The following RYR2 variants were observed in gnomAD, a reference collection of about 807,000 sequenced individuals.
RYR2 encodes cardiac muscle ryanodine receptor-calcium release channel.
RYR2 carries 227 observed loss-of-function variants against 601.1 expected under a neutral mutation model. The observed-to-expected ratio is 0.38, with a 90% confidence interval of 0.34 to 0.42. The LOEUF (loss-of-function observed/expected upper bound fraction) is 0.42, where lower values mean the gene tolerates loss of function less well. RYR2 is among the 10% of genes least tolerant of loss of function. RYR2 has a pLI of 1.00. For missense variants in RYR2, 4,646 were observed against 6,156.5 expected (o/e 0.75, Z 8.21); for synonymous variants, 2,223 against 2,175.1 (o/e 1.02, Z -0.61).
intron 16 of RYR2, among the ~76,000 whole-genome samples, chr1:237,465,250 T>C (rs2150279509): frequency 6.6e-6 from 1 of 152,302 alleles, no homozygotes; most frequent in Non-Finnish European, 1.5e-5. Flanking sequence ...TATTTTTGTC[T>C]CTTTGGAGGA....
chr1:237,103,479 A>G (rs1403767621), intron 1 of RYR2, among the ~76,000 whole-genome samples: 1 of 152,218 alleles, frequency 6.6e-6, no homozygotes, highest in African/African-American at 2.4e-5. Flanking sequence ...GTGCTGAATT[A>G]TCGTAACTGC....
intron 17 of RYR2, among the ~76,000 whole-genome samples, chr1:237,476,476 C>G (rs1003796045): frequency 3.0e-5 from 4 of 131,888 alleles, no homozygotes; most frequent in African/African-American, 1.2e-4. Context: ...CGCCACTGCA[C>G]TCCAGCCTGG....
intron 77 of RYR2, 67 bp from the exon 78 acceptor site, chr1:237,731,979 A>G (rs780166548): frequency 5.8e-5 from 56 of 957,948 alleles, no homozygotes; most frequent in Non-Finnish European, 8.8e-5. Flanking sequence ...TGTCCTTCAC[A>G]GTGCTTTTGG....
At chr1:237,317,829 TA>T (rs367829385) in intron 2 of RYR2, among the ~76,000 whole-genome samples, 2 of 152,180 alleles carry the variant, frequency 1.3e-5, no homozygotes, top group African/African-American at 4.8e-5. Context: ...TGTGTTCTTT[TA>T]CATTCAACCT....
At chr1:237,451,334 G>A (rs1488209900) in intron 14 of RYR2, among the ~76,000 whole-genome samples, 1 of 152,116 alleles carries the variant, frequency 6.6e-6, no homozygotes, top group Non-Finnish European at 1.5e-5. Flanking sequence ...ACTTTTGGGA[G>A]GCTGAAGCCG....
intron 1 of RYR2, among the ~76,000 whole-genome samples, chr1:237,151,409 C>A (rs769904146): frequency 6.6e-6 from 1 of 152,084 alleles, no homozygotes; most frequent in South Asian, 2.1e-4. Context: ...CATAAGACAC[C>A]CCTCAACATG....
chr1:237,418,029 ATATT>A (rs1363796363), intron 11 of RYR2, among the ~76,000 whole-genome samples: 1 of 151,850 alleles, frequency 6.6e-6, no homozygotes, highest in African/African-American at 2.4e-5. Flanking sequence ...TAGTATAACT[ATATT>A]TAATTAATTA....
chr1:237,485,592 T>C (rs1441102708), intron 17 of RYR2, among the ~76,000 whole-genome samples: 1 of 152,086 alleles, frequency 6.6e-6, no homozygotes, highest in Non-Finnish European at 1.5e-5. Context: ...TGGGAGTGTA[T>C]TTAGATCTGA....
intron 3 of RYR2, among the ~76,000 whole-genome samples, chr1:237,354,906 G>A (rs1170190527): frequency 6.6e-6 from 1 of 152,056 alleles, no homozygotes; most frequent in Non-Finnish European, 1.5e-5. Flanking sequence ...GATTTCATTA[G>A]GGCTTCATAA....
intron 29 of RYR2, among the ~76,000 whole-genome samples, chr1:237,586,167 A>T (rs1037758652): frequency 6.6e-6 from 1 of 152,196 alleles, no homozygotes; most frequent in African/African-American, 2.4e-5. Context: ...AAAAGTGCAA[A>T]AAAATGCTTT....
chr1:237,408,917 G>A (rs903361453), intron 10 of RYR2, among the ~76,000 whole-genome samples: 2 of 147,582 alleles, frequency 1.4e-5, no homozygotes, highest in African/African-American at 5.1e-5. Context: ...TTGTATTTCA[G>A]CATTTAATTT....
intron 24 of RYR2, among the ~76,000 whole-genome samples, chr1:237,520,811 G>T (rs1667011995): frequency 6.6e-6 from 1 of 152,096 alleles, no homozygotes; most frequent in Non-Finnish European, 1.5e-5. Context: ...CAAGGTGGGT[G>T]GATCACTTGA....
At chr1:237,637,433 A>G (rs1447964268) in intron 44 of RYR2, among the ~76,000 whole-genome samples, 1 of 152,230 alleles carries the variant, frequency 6.6e-6, no homozygotes, top group East Asian at 1.9e-4. Context: ...AAAATATGTT[A>G]TGTGCTAATT....
At position 237,497,230 on chromosome 1, in the gene RYR2, A is replaced by T. The variant is rs974416706; in HGVS notation, c.2203+478A>T. On this transcript the variant is annotated intron_variant, in intron 20 of 104. Transcript: ENST00000366574. ...ATAATGTAATGGTGGGAAATCAATA[A>T]TTTGTAAAGTGTGGTATGAGGACTC... Among the ~76,000 whole-genome samples the T allele has an allele frequency of 9.8e-5, 15 of 152,332 alleles. 1 individual carries two copies. Among genetic ancestry groups the T allele is most frequent in the African/African-American group, 3.4e-4 (14 of 41,580 alleles).
At chr1:237,663,777 T>C (rs532645788) in intron 56 of RYR2, among the ~76,000 whole-genome samples, 32 of 152,352 alleles carry the variant, frequency 2.1e-4, no homozygotes, top group African/African-American at 6.0e-4. Flanking sequence ...ATGAATGTCC[T>C]TTGTTTACCA....
At chr1:237,771,572 C>T (rs190295878) in intron 85 of RYR2, among the ~76,000 whole-genome samples, 27 of 152,270 alleles carry the variant, frequency 1.8e-4, no homozygotes, top group African/African-American at 6.3e-4. Context: ...GTTTACACAT[C>T]TAACTCTCTA....
At chr1:237,588,160 T>G (rs1660868986) in intron 29 of RYR2, among the ~76,000 whole-genome samples, 1 of 152,182 alleles carries the variant, frequency 6.6e-6, no homozygotes, top group African/African-American at 2.4e-5. Context: ...AACTAGAAAC[T>G]CATCATTTAC....
At chr1:237,222,191 G>A (rs549983375) in intron 1 of RYR2, among the ~76,000 whole-genome samples, 2 of 152,092 alleles carry the variant, frequency 1.3e-5, no homozygotes, top group African/African-American at 4.8e-5. Context: ...GAGGTGGGCG[G>A]ATCACGAGGT....
chr1:237,351,854 C>CAAAAAAAAAAAAAA (rs33955032), intron 3 of RYR2, among the ~76,000 whole-genome samples: 3 of 40,946 alleles, frequency 7.3e-5, no homozygotes, highest in African/African-American at 2.6e-4. Context: ...AAAGACCATG[C>CAAAAAAAAAAAAAA]AAAAAAAAAA....
Sources: allele counts gnomAD v4.1 joint callset (sites outside exome capture counted in the v4.1 genomes callset), GRCh38; gene constraint gnomAD v4.1.1; transcripts MANE v1.5; gene names NCBI Gene and HGNC (gene_info 2026-07-23, HGNC 2026-07-21).